Variants in MCF2L observed in about 807,000 individuals in gnomAD.
MCF2L encodes the protein guanine nucleotide exchange factor DBS.
Under a neutral mutation model 153.4 loss-of-function variants are expected in MCF2L, and 97 were observed. The ratio of observed to expected loss-of-function variants is 0.63; its 90% confidence interval spans 0.54 to 0.75. The LOEUF is 0.75. Among genes scored for constraint, MCF2L ranks in the 30% least tolerant of loss-of-function variants. MCF2L has a pLI of 0.00. For synonymous variants in MCF2L, 659 were observed against 632.2 expected, an observed-to-expected ratio of 1.04 and a Z score of -0.64; for missense variants, 1,347 against 1,495.2, an observed-to-expected ratio of 0.90 and a Z score of 1.64.
chr13:112,986,069 G>A (rs1433111700), intron 1 of MCF2L, among the ~76,000 whole-genome samples: 1 of 152,252 alleles, frequency 6.6e-6, no homozygotes, highest in Non-Finnish European at 1.5e-5. Flanking sequence ...TGCCTCAGAA[G>A]GCATTTCCTT....
intron 1 of MCF2L, among the ~76,000 whole-genome samples, chr13:113,003,978 G>A (rs75362403): frequency 0.037 from 5,701 of 152,318 alleles, 370 homozygotes; most frequent in African/African-American, 0.13. Context: ...CCACAGAGAG[G>A]TCACCGTGGT....
At chr13:113,047,751 T>C (rs1212673280) in intron 4 of MCF2L, among the ~76,000 whole-genome samples, 4 of 152,316 alleles carry the variant, frequency 2.6e-5, no homozygotes, top group African/African-American at 4.8e-5. Flanking sequence ...ACACGGCTCA[T>C]GCCTCACTAC....
intron 3 of MCF2L, among the ~76,000 whole-genome samples, chr13:113,038,201 C>T (rs891678146): frequency 1.3e-5 from 2 of 152,164 alleles, no homozygotes; most frequent in African/African-American, 4.8e-5. Flanking sequence ...CACAGTGGCT[C>T]ATGCCTATAA....
At chr13:113,018,147 G>A (rs569437712) in intron 2 of MCF2L, among the ~76,000 whole-genome samples, 5 of 152,130 alleles carry the variant, frequency 3.3e-5, no homozygotes, top group Non-Finnish European at 5.9e-5. Context: ...TTTGAAAGGC[G>A]GCCAAGTGAG....
rs1033926768 is a variant in MCF2L, at chr13:113,096,549, G to A, written c.3189-1G>A. The stretch of plus-strand genomic sequence containing the variant: ...CTGCCGCTGACCCTCGCCCCTTGCA[G>A]GTACGTCAGGGACCCGACCACTGGC... On this transcript the variant is annotated splice_acceptor_variant, in intron 28 of 29. Coordinates refer to ENST00000535094, the MANE Select transcript of MCF2L (RefSeq NM_001112732.3). LOFTEE classifies it high-confidence loss of function. 4 of 1,602,906 alleles carry A rather than the reference G, an allele frequency of 2.5e-6. No individual in the cohort carries two copies. In the African/African-American group the frequency reaches 4.0e-5, roughly 16 times the overall value.
chr13:112,898,898 T>C (rs2081093560), intron 1 of MCF2L, among the ~76,000 whole-genome samples: 1 of 152,256 alleles, frequency 6.6e-6, no homozygotes, highest in Admixed American at 6.5e-5. Context: ...TCTCGCCACC[T>C]GCTTCAGGCC....
upstream of MCF2L, chr13:112,968,730 G>A: frequency 1.4e-6 from 2 of 1,386,120 alleles, no homozygotes; most frequent in Non-Finnish European, 1.9e-6. Flanking sequence ...GGGAGGCGGC[G>A]GCCAGGCGCG....
intron 5 of MCF2L, among the ~76,000 whole-genome samples, chr13:113,061,339 C>A (rs2031368890): frequency 6.6e-6 from 1 of 152,180 alleles, no homozygotes; most frequent in African/African-American, 2.4e-5. Context: ...TCCCTTAGAG[C>A]CTGTGGAGCC....
intron 1 of MCF2L, among the ~76,000 whole-genome samples, chr13:112,996,612 A>T (rs140850230): frequency 6.6e-6 from 1 of 152,300 alleles, no homozygotes; most frequent in Non-Finnish European, 1.5e-5. Flanking sequence ...TCTCCACGGC[A>T]TCCTGCGACC....
intron 1 of MCF2L, among the ~76,000 whole-genome samples, chr13:112,988,277 T>C (rs2082731291): frequency 2.0e-5 from 3 of 151,794 alleles, no homozygotes; most frequent in Admixed American, 2.0e-4. Context: ...GCCAAAAAGG[T>C]TGTTAAGCAC....
rs1391230881 is a variant in MCF2L, at chr13:113,077,275, A to C, written c.1660+64A>C. The C allele has an allele frequency of 1.4e-5, 20 of 1,435,796 alleles. 1 individual carries two copies. 88.9% of individuals were successfully genotyped at this position (1,435,796 alleles called of 1,614,324 possible). A position where few individuals can be genotyped will look rare whatever the true frequency, so the allele number is the denominator to read the frequency against. ...CCTCGGGGGAGCCCCGGGCGTTGAG[A>C]GCTTGGTACATCTGAGGCAGCCACC... On this transcript the variant is annotated intron_variant, in intron 13 of 29. Transcript: ENST00000535094.
chr13:113,094,511 T>C lies in MCF2L; in HGVS notation c.2954-3T>C, dbSNP rs1164547344. Reference sequence around the variant, plus strand: ...GTCCCTCACGGGTGTCTGTCTCTCTTAGGTTGGAGCAAAACGTCCCACTCA... The same window carrying C: ...GTCCCTCACGGGTGTCTGTCTCTCTCAGGTTGGAGCAAAACGTCCCACTCA... On this transcript the variant is annotated splice_region_variant and splice_polypyrimidine_tract_variant and intron_variant, in intron 26 of 29. Coordinates refer to ENST00000535094, the MANE Select transcript of MCF2L (RefSeq NM_001112732.3). The C allele has an allele frequency of 1.2e-6, 2 of 1,610,118 alleles. No homozygotes were observed. The highest frequency in any genetic ancestry group is 1.1e-5 in the South Asian group (1 of 90,704).
At chr13:113,075,480 C>T (rs113407014) in intron 11 of MCF2L, among the ~76,000 whole-genome samples, 6 of 152,100 alleles carry the variant, frequency 3.9e-5, no homozygotes, top group Admixed American at 1.3e-4. Flanking sequence ...TGCATGCCAC[C>T]GTACCCAGCT....
intron 1 of MCF2L, among the ~76,000 whole-genome samples, chr13:113,006,434 C>A (rs1364544261): frequency 6.6e-6 from 1 of 152,184 alleles, no homozygotes; most frequent in Non-Finnish European, 1.5e-5. Context: ...GCCTGATCCT[C>A]CCCCCGGGAG....
intron 2 of MCF2L, among the ~76,000 whole-genome samples, chr13:112,922,317 G>A (rs1216241716): frequency 2.0e-5 from 3 of 152,184 alleles, no homozygotes; most frequent in East Asian, 1.9e-4. Flanking sequence ...CACACAGAAC[G>A]TCTTCCAGAT....
intron 2 of MCF2L, among the ~76,000 whole-genome samples, chr13:112,936,132 T>G (rs1253258946): frequency 6.6e-6 from 1 of 151,850 alleles, no homozygotes; most frequent in African/African-American, 2.4e-5. Context: ...ATACAAAAAT[T>G]AGCTGGGTAC....
rs2034781184 is a variant in MCF2L, at chr13:113,087,814, C to T, written c.2688+15C>T. 1 of 1,603,342 alleles carries T rather than the reference C, an allele frequency of 6.2e-7. No individual in the cohort carries two copies. Among genetic ancestry groups the T allele is most frequent in the Non-Finnish European group, 8.5e-7 (1 of 1,170,560 alleles). Reference sequence around the variant, plus strand: ...ACATCGTCCAGGTGGGCCACCCACCCTACCCCTGGCCTCTTACACATTGCC... The same window carrying T: ...ACATCGTCCAGGTGGGCCACCCACCTTACCCCTGGCCTCTTACACATTGCC... On this transcript the variant is annotated intron_variant, in intron 23 of 29. Transcript: ENST00000535094.
intron 2 of MCF2L, among the ~76,000 whole-genome samples, chr13:112,921,346 A>C (rs1284235558): frequency 6.6e-6 from 1 of 152,236 alleles, no homozygotes; most frequent in Non-Finnish European, 1.5e-5. Flanking sequence ...AAAAGCCTTG[A>C]AGGATAAAGA....
upstream of MCF2L, chr13:112,968,452 C>G (rs749792152): frequency 6.3e-6 from 10 of 1,588,780 alleles, no homozygotes; most frequent in Admixed American, 1.4e-4. Context: ...CACAGTGTGG[C>G]TTGGTGCCAA....
Sources: gnomAD v4.1 joint callset for allele counts (sites outside exome capture counted in the v4.1 genomes callset) on GRCh38, gnomAD v4.1.1 for gene constraint, MANE v1.5 for transcripts, NCBI Gene and HGNC (gene_info 2026-07-23, HGNC 2026-07-21) for gene names.